The following COG6 variants were observed in gnomAD, a reference collection of about 807,000 sequenced individuals.
The protein encoded by COG6 is conserved oligomeric Golgi complex subunit 6.
In COG6, 74 loss-of-function variants were observed where a neutral mutation model predicts 88.8. The ratio of observed to expected loss-of-function variants is 0.83; its 90% confidence interval spans 0.69 to 1.01. COG6 has a LOEUF of 1.01. Among genes scored for constraint, COG6 ranks in the 50% least tolerant of loss-of-function variants. COG6 has a pLI of 0.00. For missense variants in COG6, 800 were observed against 797.9 expected (o/e 1.00, Z -0.03); for synonymous variants, 286 against 278.7 (o/e 1.03, Z -0.26).
In COG6 at chr13:39,690,502, C is replaced by G. The variant is rs576624582; in HGVS notation, c.1074+678C>G. ...GCAGATGGTAAATACCTTTATTTTC[C>G]TTTATTAATATTTAGAGAATACTTG... On this transcript the variant is annotated intron_variant, in intron 11 of 18. Coordinates refer to ENST00000455146, the MANE Select transcript of COG6 (RefSeq NM_020751.3). Among the ~76,000 whole-genome samples, 6 of 151,820 alleles carry G rather than the reference C, an allele frequency of 4.0e-5. No homozygotes were observed. The East Asian group carries it at 1.2e-3, about 29-fold the overall frequency.
chr13:39,720,290 A>C (rs1878784096), intron 15 of COG6, among the ~76,000 whole-genome samples: 1 of 152,104 alleles, frequency 6.6e-6, no homozygotes, highest in Non-Finnish European at 1.5e-5. Flanking sequence ...ACAAATTGCT[A>C]TACCAACCAC....
At chr13:39,724,916 G>T (rs556612933) in intron 17 of COG6, among the ~76,000 whole-genome samples, 1 of 151,804 alleles carries the variant, frequency 6.6e-6, no homozygotes, top group East Asian at 1.9e-4. Context: ...TTGATCCTTC[G>T]TTTAAAGTTC....
At position 39,682,240 on chromosome 13, in the gene COG6, T is replaced by A; in HGVS notation, c.764T>A (p.Leu255Gln). ...GTATTGACACAGGCAATGGAAGCCC[T>A]GCAGGACAGACCTGTCTTATATAAG... ...SPVLTQAMEA[L>Q]QDRPVLYKYT... Residue 255 changes from leucine (L) to glutamine (Q), a missense_variant, in exon 8 of 19, where the codon CTG becomes CAG. Physicochemically the swap from Leu to Gln is moderately radical, Grantham distance 113. Coordinates refer to ENST00000455146, the MANE Select transcript of COG6 (RefSeq NM_020751.3). The A allele has an allele frequency of 6.2e-7, 1 of 1,610,936 alleles. No homozygotes were observed. The highest frequency in any genetic ancestry group is 8.5e-7 in the Non-Finnish European group (1 of 1,177,204).
At chr13:39,745,978 C>T (rs906228833) in intron 18 of COG6, among the ~76,000 whole-genome samples, 1 of 151,954 alleles carries the variant, frequency 6.6e-6, no homozygotes, top group African/African-American at 2.4e-5. Flanking sequence ...CACACTGTCC[C>T]AAGGACAGAA....
intron 3 of COG6, among the ~76,000 whole-genome samples, chr13:39,662,987 G>A (rs533600410): frequency 6.6e-6 from 1 of 151,604 alleles, no homozygotes; most frequent in Admixed American, 6.6e-5. Flanking sequence ...CTTTGACTAT[G>A]GTACCTTTTA....
At chr13:39,719,531 A>T in intron 14 of COG6, 129 bp from the exon 15 acceptor site, 1 of 1,181,020 alleles carries the variant, frequency 8.5e-7, no homozygotes, top group Non-Finnish European at 1.2e-6. Context: ...GCATTGATTT[A>T]TGTTTAATCT....
intron 17 of COG6, among the ~76,000 whole-genome samples, chr13:39,726,120 T>C (rs1399683524): frequency 6.6e-6 from 1 of 152,000 alleles, no homozygotes; most frequent in Non-Finnish European, 1.5e-5. Flanking sequence ...TACGTGATTA[T>C]ATACAACCAT....
At chr13:39,670,635 T>G (rs1875573114) in intron 4 of COG6, among the ~76,000 whole-genome samples, 1 of 151,996 alleles carries the variant, frequency 6.6e-6, no homozygotes, top group Admixed American at 6.6e-5. Context: ...ATGGCATACA[T>G]TAAAGACTGT....
chr13:39,726,598 A>G (rs1016264249), intron 17 of COG6, among the ~76,000 whole-genome samples: 1 of 151,958 alleles, frequency 6.6e-6, no homozygotes, highest in Non-Finnish European at 1.5e-5. Flanking sequence ...GCAATCTTCC[A>G]TTCTGTCTTC....
At chr13:39,763,559 A>AT (rs924024925) in intron 18 of COG6, among the ~76,000 whole-genome samples, 3 of 151,590 alleles carry the variant, frequency 2.0e-5, no homozygotes. Flanking sequence ...AATTTTATCA[A>AT]TTTTTTTTCT....
chr13:39,686,563 G>A (rs1160613846), intron 8 of COG6, among the ~76,000 whole-genome samples: 1 of 152,056 alleles, frequency 6.6e-6, no homozygotes, highest in African/African-American at 2.4e-5. Flanking sequence ...ATATGTGTTT[G>A]GTCAGTAAAT....
At chr13:39,679,304 G>A (rs962835589) in intron 5 of COG6, 20 of 499,976 alleles carry the variant, frequency 4.0e-5, no homozygotes, top group Non-Finnish European at 6.8e-5. Context: ...CCTGGCAACT[G>A]TCAACACTAT....
At chr13:39,672,872 G>T (rs1230265340) in intron 4 of COG6, among the ~76,000 whole-genome samples, 1 of 152,010 alleles carries the variant, frequency 6.6e-6, no homozygotes, top group East Asian at 1.9e-4. Flanking sequence ...AGCATATGAG[G>T]ATTCCAGTTT....
chr13:39,725,926 T>C (rs1482628740), intron 17 of COG6, among the ~76,000 whole-genome samples: 1 of 151,962 alleles, frequency 6.6e-6, no homozygotes, highest in African/African-American at 2.4e-5. Flanking sequence ...ACCAAATATA[T>C]GTTCCCTTCC....
At chr13:39,784,619 C>G (rs1318515347) in intron 18 of COG6, among the ~76,000 whole-genome samples, 1 of 152,144 alleles carries the variant, frequency 6.6e-6, no homozygotes, top group East Asian at 1.9e-4. Context: ...TGGCAATTGT[C>G]CAGATGTCTA....
rs1463011123 is a variant in COG6 at position 39,684,178 on chromosome 13, C to A, written c.788+1914C>A. ...AGATAAAGAATGGAACTATAATAGG[C>A]AAAGAAGGTTTATCTGTGAAGGGCA... On this transcript the variant is annotated intron_variant, in intron 8 of 18. Coordinates refer to ENST00000455146, the MANE Select transcript of COG6 (RefSeq NM_020751.3). Among the ~76,000 whole-genome samples, 4 of 143,860 alleles carry A rather than the reference C, an allele frequency of 2.8e-5. No homozygotes were observed. In the East Asian group the frequency reaches 8.2e-4, roughly 29 times the overall value. 94.4% of individuals were successfully genotyped at this position (143,860 alleles called of 152,430 possible). A position where few individuals can be genotyped will look rare whatever the true frequency, so the allele number is the denominator to read the frequency against.
chr13:39,718,230 C>T (rs944982136), intron 13 of COG6, among the ~76,000 whole-genome samples: 10 of 151,984 alleles, frequency 6.6e-5, no homozygotes, highest in African/African-American at 2.4e-4. Context: ...TTTGGACATG[C>T]TTACTTTGCT....
Position 39,702,978 on chromosome 13 carries a change from A to T in COG6, c.1284+3360A>T, listed in dbSNP as rs138934674. ...ATCACTATCTTGCCATTAGCTTTAAATCTCTTGCACCCTTGCCATTTTACC... is the reference window on the plus strand; with the variant it reads ...ATCACTATCTTGCCATTAGCTTTAATTCTCTTGCACCCTTGCCATTTTACC... On this transcript the variant is annotated intron_variant, in intron 13 of 18. Transcript: ENST00000455146. 5.1e-4 allele frequency among the ~76,000 whole-genome samples: 78 copies of T among 152,188 alleles called. 1 individual carries two copies. Among genetic ancestry groups the T allele is most frequent in the African/African-American group, 1.8e-3 (76 of 41,536 alleles).
At chr13:39,719,002 T>C (rs1878691861) in intron 13 of COG6, among the ~76,000 whole-genome samples, 1 of 152,138 alleles carries the variant, frequency 6.6e-6, no homozygotes, top group Non-Finnish European at 1.5e-5. Context: ...CAAATTAATT[T>C]TTTGAATTTT....
Sources: gnomAD v4.1 joint callset for allele counts (sites outside exome capture counted in the v4.1 genomes callset) on GRCh38, gnomAD v4.1.1 for gene constraint, MANE v1.5 for transcripts, NCBI Gene and HGNC (gene_info 2026-07-23, HGNC 2026-07-21) for gene names.